TUBB6: variants seen among roughly 807,000 people sequenced by gnomAD.
TUBB6 encodes tubulin beta-6 chain.
TUBB6 carries 18 observed loss-of-function variants against 32.3 expected under a neutral mutation model. The observed-to-expected ratio is 0.56, with a 90% CI of 0.39 to 0.83. The LOEUF (loss-of-function observed/expected upper bound fraction) is 0.83. TUBB6 is among the 40% of genes least tolerant of loss of function. The pLI, the probability that TUBB6 is intolerant of heterozygous loss-of-function variation, is 0.00. For missense variants in TUBB6, 480 were observed against 632.0 expected, an observed-to-expected ratio of 0.76 and a Z score of 2.58; for synonymous variants, 280 against 265.8, an observed-to-expected ratio of 1.05 and a Z score of -0.52.
chr18:12,326,085 C>T lies in TUBB6; in HGVS notation c.1296C>T (p.Asp432=), dbSNP rs1379827700. 3 of 1,613,964 alleles carry T rather than the reference C, an allele frequency of 1.9e-6. No homozygotes were observed. The highest frequency in any genetic ancestry group is 1.7e-5 in the Admixed American group (1 of 60,002). ...AGTACCAGGATGCCACCGCCAATGACGGGGAGGAAGCTTTTGAGGATGAGG... is the reference window on the plus strand; with the variant it reads ...AGTACCAGGATGCCACCGCCAATGATGGGGAGGAAGCTTTTGAGGATGAGG... The part of the protein sequence containing the change: ...YQQYQDATAN[D]GEEAFEDEEE... Residue 432 remains aspartate, a synonymous_variant, in exon 4 of 4, where the codon GAC becomes GAT. Transcript: ENST00000317702.
chr18:12,327,554 C>T (rs1907379366), downstream of TUBB6, among the ~76,000 whole-genome samples: 1 of 152,182 alleles, frequency 6.6e-6, no homozygotes, highest in South Asian at 2.1e-4. Flanking sequence ...TCTGAGACCA[C>T]AGTAAAAATA....
chr18:12,318,042 CTGAT>C lies in TUBB6; in HGVS notation c.277+6996_277+6999del, dbSNP rs1258795067. ...CCGTCCACTTACAGCTAGCTCAGGT[CTGAT>C]TGATTGGGGTTCTATGTTTGCCAAA... On this transcript the variant is annotated intron_variant, in intron 3 of 3. Coordinates refer to ENST00000317702, the MANE Select transcript of TUBB6 (RefSeq NM_032525.3). Among the ~76,000 whole-genome samples the C allele has an allele frequency of 4.6e-5, 7 of 152,112 alleles. 1 individual carries two copies. The highest frequency in any genetic ancestry group is 8.8e-5 in the Non-Finnish European group (6 of 68,022).
Position 12,326,464 on chromosome 18 carries a change from A to G in TUBB6, c.*334A>G. Reference sequence around the variant, plus strand: ...GAGGGAGTTAGAAACAGTCTTTTTCATCCTTTGTGATGAAGCCTGAAATTG... The same window carrying G: ...GAGGGAGTTAGAAACAGTCTTTTTCGTCCTTTGTGATGAAGCCTGAAATTG... On this transcript the variant is annotated 3_prime_UTR_variant, in exon 4 of 4. Coordinates refer to ENST00000317702, the MANE Select transcript of TUBB6 (RefSeq NM_032525.3). 1 of 292,252 alleles carries G rather than the reference A, an allele frequency of 3.4e-6. No homozygotes were observed. The highest frequency in any genetic ancestry group is 6.4e-6 in the Non-Finnish European group (1 of 156,928). The allele number at this position is 292,252 out of a possible 1,614,324, so 18.1% of individuals were successfully genotyped here. A position where few individuals can be genotyped will look rare whatever the true frequency, so the allele number is the denominator to read the frequency against.
chr18:12,314,381 G>A (rs1182232505), intron 3 of TUBB6, among the ~76,000 whole-genome samples: 1 of 152,180 alleles, frequency 6.6e-6, no homozygotes, highest in East Asian at 1.9e-4. Context: ...CGAGCGGACA[G>A]CTAAGATTTC....
chr18:12,320,799 G>C (rs1190569906), intron 3 of TUBB6: 1 of 152,144 alleles, frequency 6.6e-6, no homozygotes, highest in Non-Finnish European at 1.5e-5. Context: ...GTAAACATTT[G>C]TATATATGTC....
chr18:12,308,748 C>G lies in TUBB6; in HGVS notation c.119C>G (p.Ser40Trp). 2 of 1,613,144 alleles carry G rather than the reference C, an allele frequency of 1.2e-6. 1 individual carries two copies. The highest frequency in any genetic ancestry group is 3.3e-4 in the Middle Eastern group (2 of 6,062). Residue 40 changes from serine (S) to tryptophan (W), a missense_variant, in exon 2 of 4, where the codon TCG (serine) becomes TGG (tryptophan). Ser to Trp is a radical substitution (Grantham distance 177, BLOSUM62 -3). Transcript: ENST00000317702. The stretch of plus-strand genomic sequence containing the variant: ...CCGGCCGGAGGCTACGTGGGAGACT[C>G]GGCGCTGCAGCTGGAGAGAATCAAC... ...IDPAGGYVGD[S>W]ALQLERINVY...
In TUBB6 at chr18:12,308,254, G is replaced by A; in HGVS notation, c.-39G>A. The stretch of plus-strand genomic sequence containing the variant: ...CAGCCGGCCCGCAGTTGCCGCTGTC[G>A]TCCGCAGAGCCAGTTCCTAGCGCAG... On this transcript the variant is annotated 5_prime_UTR_variant, in exon 1 of 4. Transcript: ENST00000317702. 2.2e-6 allele frequency: 3 copies of A among 1,384,046 alleles called. No homozygotes were observed. Among genetic ancestry groups the A allele is most frequent in the Non-Finnish European group, 2.8e-6 (3 of 1,060,418 alleles). The allele number at this position is 1,384,046 out of a possible 1,614,324, so 85.7% of individuals were successfully genotyped here.
At chr18:12,324,607 C>G (rs1454528487) in intron 3 of TUBB6, among the ~76,000 whole-genome samples, 2 of 151,936 alleles carry the variant, frequency 1.3e-5, no homozygotes, top group Middle Eastern at 3.4e-3. Context: ...CCCACCACCA[C>G]GCCCGGCTGA....
intron 3 of TUBB6, among the ~76,000 whole-genome samples, chr18:12,323,564 T>C (rs1437895638): frequency 6.6e-6 from 1 of 152,096 alleles, no homozygotes; most frequent in Non-Finnish European, 1.5e-5. Flanking sequence ...TCCCAGCACT[T>C]TGGGAGGCCG....
rs754263609 is a variant in TUBB6, at chr18:12,308,711, C to A, written c.82C>A (p.His28Asn). The change falls in exon 2 of 4, where the codon CAC (histidine) becomes AAC (asparagine). Residue 28 changes from histidine to asparagine, a missense_variant. By Grantham distance (68) the His-to-Asn change is moderately conservative (BLOSUM62 1). Coordinates refer to ENST00000317702, the MANE Select transcript of TUBB6 (RefSeq NM_032525.3). ...GTTTTGGGAAGTGATCAGCGATGAG[C>A]ACGGCATCGACCCGGCCGGAGGCTA... ...TKFWEVISDEHGIDPAGGYVG... is the reference protein window; with the variant it reads ...TKFWEVISDENGIDPAGGYVG... The A allele has an allele frequency of 1.9e-6, 3 of 1,612,702 alleles. No homozygotes were observed. In the Admixed American group the frequency reaches 5.0e-5, roughly 27 times the overall value.
rs765815768 is a variant in TUBB6 at position 12,325,761 on chromosome 18, G to A, written c.972G>A (p.Lys324=). 16 of 1,614,122 alleles carry A rather than the reference G, an allele frequency of 9.9e-6. No homozygotes were observed. Among genetic ancestry groups the A allele is most frequent in the South Asian group, 5.5e-5 (5 of 91,088 alleles). ...TGTTCCGCGGGCCCATGTCCATGAA[G>A]GAGGTGGACGAGCAGATGCTGGCCA... is the stretch of plus-strand genomic sequence containing the variant. ...ATVFRGPMSM[K]EVDEQMLAIQ... The change falls in exon 4 of 4, where the codon AAG becomes AAA. Residue 324 remains lysine (K), a synonymous_variant. Transcript: ENST00000317702.
rs1169128551 is a variant in TUBB6, at chr18:12,308,484, G to A, written c.57+135G>A. 5 of 814,066 alleles carry A rather than the reference G, an allele frequency of 6.1e-6. No homozygotes were observed. In the African/African-American group the frequency reaches 9.1e-5, roughly 15 times the overall value. 50.4% of individuals were successfully genotyped at this position (814,066 alleles called of 1,614,324 possible). On this transcript the variant is annotated intron_variant, in intron 1 of 3. Transcript: ENST00000317702. ...TCGGAGCCCGGTGCGGACCCGCGAG[G>A]GCCGCAGGGAGGGAGCGCCCGGGGC... is the stretch of plus-strand genomic sequence containing the variant.
chr18:12,307,684 G>A (rs1247032798), upstream of TUBB6: 2 of 152,244 alleles, frequency 1.3e-5, no homozygotes, highest in Non-Finnish European at 2.9e-5. Flanking sequence ...AGCTAAACCC[G>A]GTTCCAAAGG....
chr18:12,310,136 G>T (rs1906282397), intron 2 of TUBB6, among the ~76,000 whole-genome samples: 1 of 152,074 alleles, frequency 6.6e-6, no homozygotes, highest in Non-Finnish European at 1.5e-5. Context: ...GGTCATGCCT[G>T]GACTCGTTCC....
At chr18:12,311,141 A>G in intron 3 of TUBB6, 88 bp downstream of exon 3, 1 of 1,169,644 alleles carries the variant, frequency 8.5e-7, no homozygotes, top group Non-Finnish European at 1.2e-6. Context: ...ATCATGTGTC[A>G]TAGAAAAAGT....
At position 12,324,446 on chromosome 18, in the gene TUBB6, T is replaced by TTC. The variant is rs1491123062; in HGVS notation, c.278-620_278-619insCT. Among the ~76,000 whole-genome samples the TTC allele has an allele frequency of 1.5e-3, 5 of 3,350 alleles. No homozygotes were observed. The East Asian group carries it at 0.36, about 239-fold the overall frequency. 2.2% of individuals were successfully genotyped at this position (3,350 alleles called of 152,430 possible). A position where few individuals can be genotyped will look rare whatever the true frequency, so the allele number is the denominator to read the frequency against. On this transcript the variant is annotated intron_variant, in intron 3 of 3. Transcript: ENST00000317702. The stretch of plus-strand genomic sequence containing the variant: ...ATTCAGAAAGCCCAAAGGAGAGAAC[T>TTC]TTTTTTTTTTTTTTGAGCTGTAGTC...
chr18:12,313,762 CAAT>C (rs1335365058), intron 3 of TUBB6, among the ~76,000 whole-genome samples: 2 of 152,162 alleles, frequency 1.3e-5, no homozygotes, highest in African/African-American at 4.8e-5. Context: ...TTGAGCAAAT[CAAT>C]AATTTCCATC....
chr18:12,318,238 C>T (rs532477113), intron 3 of TUBB6, among the ~76,000 whole-genome samples: 3 of 151,548 alleles, frequency 2.0e-5, no homozygotes, highest in Admixed American at 2.0e-4. Context: ...TGTAGTTTTG[C>T]CAGGTGCTGC....
chr18:12,327,778 C>T (rs980263249), downstream of TUBB6, among the ~76,000 whole-genome samples: 1 of 152,206 alleles, frequency 6.6e-6, no homozygotes, highest in Non-Finnish European at 1.5e-5. Flanking sequence ...TCGGTGCTAT[C>T]TGGCTTTGTC....
Sources: allele counts gnomAD v4.1 joint callset (sites outside exome capture counted in the v4.1 genomes callset), GRCh38; gene constraint gnomAD v4.1.1; transcripts MANE v1.5; gene names NCBI Gene and HGNC (gene_info 2026-07-23, HGNC 2026-07-21).